RAB38: variants seen among roughly 807,000 people sequenced by gnomAD.
The protein encoded by RAB38 is RAB38, member RAS oncogene family, also known as ras-related protein Rab-38.
A neutral mutation model predicts 18.4 loss-of-function variants in RAB38; 15 were observed. The ratio of observed to expected loss-of-function variants is 0.82; its 90% CI spans 0.55 to 1.26. The LOEUF (loss-of-function observed/expected upper bound fraction) is 1.26, where lower values mean the gene tolerates loss of function less well. Among genes scored for constraint, RAB38 ranks in the 50% most tolerant of loss-of-function variants. The probability of loss-of-function intolerance (pLI) is 0.00; values close to 1 mark genes in which losing one functional copy is unlikely to be tolerated. For missense variants in RAB38, 294 were observed against 267.4 expected (o/e 1.10, Z -0.69); for synonymous variants, 101 against 104.4 (o/e 0.97, Z 0.20).
the RAB38 span, among the ~76,000 whole-genome samples, chr11:87,836,235 A>ACACT: frequency 1.3e-5 from 2 of 152,194 alleles, no homozygotes; most frequent in Non-Finnish European, 2.9e-5. Context: ...CACCTCTGAA[A>ACACT]CACTCCACTG....
At chr11:87,842,230 G>A in the RAB38 span, among the ~76,000 whole-genome samples, 3 of 152,154 alleles carry the variant, frequency 2.0e-5, no homozygotes, top group Admixed American at 1.3e-4. Flanking sequence ...TGACATGGAA[G>A]GCCACAACAC....
intron 2 of RAB38, among the ~76,000 whole-genome samples, chr11:88,148,003 G>T (rs542852981): frequency 6.6e-6 from 1 of 152,170 alleles, no homozygotes; most frequent in African/African-American, 2.4e-5. Flanking sequence ...CTTACAGCAA[G>T]AAATCCTTCA....
At chr11:87,915,856 C>A in the RAB38 span, among the ~76,000 whole-genome samples, 1 of 152,064 alleles carries the variant, frequency 6.6e-6, no homozygotes, top group South Asian at 2.1e-4. Flanking sequence ...CTGCTTGAGG[C>A]CTTGGGAGTC....
the RAB38 span, among the ~76,000 whole-genome samples, chr11:88,102,934 T>C: frequency 6.6e-6 from 1 of 152,028 alleles, no homozygotes; most frequent in African/African-American, 2.4e-5. Context: ...TCACAAACAC[T>C]AGATTCTGAT....
At chr11:88,057,156 CCT>C in the RAB38 span, among the ~76,000 whole-genome samples, 1 of 152,124 alleles carries the variant, frequency 6.6e-6, no homozygotes, top group Non-Finnish European at 1.5e-5. Flanking sequence ...CGTTTTCTTC[CCT>C]GAGACAAGCA....
chr11:87,964,532 T>C, the RAB38 span, among the ~76,000 whole-genome samples: 1 of 152,022 alleles, frequency 6.6e-6, no homozygotes, highest in African/African-American at 2.4e-5. Context: ...TTCATCATGA[T>C]AGGAGCTACA....
At chr11:87,891,411 G>C in the RAB38 span, among the ~76,000 whole-genome samples, 1 of 151,784 alleles carries the variant, frequency 6.6e-6, no homozygotes, top group Non-Finnish European at 1.5e-5. Flanking sequence ...CACTTAATGA[G>C]ATTGCTTACC....
intron 2 of RAB38, among the ~76,000 whole-genome samples, chr11:88,140,114 A>T (rs1161262302): frequency 3.3e-5 from 5 of 152,250 alleles, no homozygotes; most frequent in Non-Finnish European, 7.3e-5. Flanking sequence ...TGGCATTGCC[A>T]AGCAAAGAAT....
chr11:87,807,717 A>C, the RAB38 span, among the ~76,000 whole-genome samples: 1 of 152,206 alleles, frequency 6.6e-6, no homozygotes, highest in South Asian at 2.1e-4. Flanking sequence ...ATTAAATCTT[A>C]GAGACTTGAA....
the RAB38 span, among the ~76,000 whole-genome samples, chr11:88,024,181 G>T: frequency 6.6e-6 from 1 of 151,928 alleles, no homozygotes; most frequent in Non-Finnish European, 1.5e-5. Context: ...GAATATAAAG[G>T]AGCTCAAACC....
At chr11:87,941,974 C>G in the RAB38 span, among the ~76,000 whole-genome samples, 7 of 152,312 alleles carry the variant, frequency 4.6e-5, no homozygotes, top group African/African-American at 1.7e-4. Flanking sequence ...TGCTCCTTGT[C>G]TGGGTATTTG....
At chr11:88,022,084 G>A in the RAB38 span, among the ~76,000 whole-genome samples, 2 of 151,802 alleles carry the variant, frequency 1.3e-5, no homozygotes, top group Non-Finnish European at 2.9e-5. Flanking sequence ...GATGAATGAT[G>A]GTGCAAAAAT....
the RAB38 span, among the ~76,000 whole-genome samples, chr11:87,902,073 C>T: frequency 6.6e-6 from 1 of 151,224 alleles, no homozygotes; most frequent in Admixed American, 6.6e-5. Flanking sequence ...TATTGTCTTA[C>T]TTTTGGGAGA....
the RAB38 span, among the ~76,000 whole-genome samples, chr11:87,896,630 G>A: frequency 6.9e-4 from 105 of 151,604 alleles, no homozygotes; most frequent in African/African-American, 2.5e-3. Flanking sequence ...CAGAGAATTG[G>A]TTGTCTTTTA....
intron 2 of RAB38, among the ~76,000 whole-genome samples, chr11:88,140,883 G>T (rs935698566): frequency 1.3e-5 from 2 of 152,108 alleles, no homozygotes; most frequent in Non-Finnish European, 1.5e-5. Flanking sequence ...CTCCAAATTG[G>T]ATAATTATAT....
chr11:87,953,714 G>A, the RAB38 span, among the ~76,000 whole-genome samples: 6 of 152,254 alleles, frequency 3.9e-5, no homozygotes, highest in Non-Finnish European at 7.4e-5. Flanking sequence ...CATCCAGTGA[G>A]AGTCTTGCAA....
chr11:88,090,485 A>G, the RAB38 span, among the ~76,000 whole-genome samples: 3 of 151,984 alleles, frequency 2.0e-5, no homozygotes, highest in Non-Finnish European at 2.9e-5. Context: ...AAGTATAGGT[A>G]GCAAGTCATT....
At chr11:87,866,624 C>T in the RAB38 span, among the ~76,000 whole-genome samples, 3 of 151,694 alleles carry the variant, frequency 2.0e-5, no homozygotes, top group African/African-American at 4.8e-5. Flanking sequence ...TGTCTCTGTT[C>T]ATTCCATTTC....
chr11:87,944,689 A>T, the RAB38 span, among the ~76,000 whole-genome samples: 1 of 152,130 alleles, frequency 6.6e-6, no homozygotes, highest in Non-Finnish European at 1.5e-5. Flanking sequence ...TATACCTTCC[A>T]TGAAATGGAG....
Sources: allele counts gnomAD v4.1 joint callset (sites outside exome capture counted in the v4.1 genomes callset), GRCh38; gene constraint gnomAD v4.1.1; transcripts MANE v1.5; gene names NCBI Gene and HGNC (gene_info 2026-07-23, HGNC 2026-07-21).